The following DPP9 variants were observed in gnomAD, a reference collection of about 807,000 sequenced individuals.
DPP9 encodes dipeptidyl peptidase IV-related protein-2.
In DPP9, 50 loss-of-function variants were observed where a neutral mutation model predicts 110.7. The observed-to-expected ratio is 0.45, with a 90% CI of 0.36 to 0.57. The LOEUF is 0.57. Ranked by LOEUF, DPP9 falls within the 20% of genes least tolerant of loss-of-function variation. DPP9 has a pLI of 0.00. For missense variants in DPP9, 1,022 were observed against 1,217.9 expected, an observed-to-expected ratio of 0.84 and a Z score of 2.39; for synonymous variants, 561 against 514.4, an observed-to-expected ratio of 1.09 and a Z score of -1.23.
chr19:4,685,420 G>T lies in DPP9; in HGVS notation c.2031+206C>A. ...AAGGGGAGGCCATCCAGGAAGGGCGGGGAGCGTGCAAACGGGCACAGAGAA... is the reference window on the plus strand; with the variant it reads ...AAGGGGAGGCCATCCAGGAAGGGCGTGGAGCGTGCAAACGGGCACAGAGAA... On this transcript the variant is annotated intron_variant, in intron 17 of 21. Coordinates refer to ENST00000262960, the MANE Select transcript of DPP9 (RefSeq NM_139159.5). The surrounding 1 kb of genome is among the most constrained non-coding windows in gnomAD (Gnocchi z 5.8). 1 of 679,200 alleles carries T rather than the reference G, an allele frequency of 1.5e-6. No homozygotes were observed. Among genetic ancestry groups the T allele is most frequent in the Non-Finnish European group, 2.7e-6 (1 of 373,548 alleles). 42.1% of individuals were successfully genotyped at this position (679,200 alleles called of 1,614,324 possible). A position where few individuals can be genotyped will look rare whatever the true frequency, so the allele number is the denominator to read the frequency against.
rs200739746 is a variant in DPP9, at chr19:4,697,510, C to A, written c.1175+41G>T. 3.0e-3 allele frequency: 4,724 copies of A among 1,566,048 alleles called. 12 individuals are homozygous for A. The highest frequency in any genetic ancestry group is 3.8e-3 in the Non-Finnish European group (4,354 of 1,142,054). On this transcript the variant is annotated intron_variant, in intron 11 of 21. Transcript: ENST00000262960. ...TCGGTGGCTGCCCAGGGCCCAGGGC[C>A]CTGCAGGTGAATTCCTTGGGTTCCA... is the stretch of plus-strand genomic sequence containing the variant.
At chr19:4,683,135 G>A (rs1008049725) in intron 19 of DPP9, 3 of 1,464,840 alleles carry the variant, frequency 2.0e-6, no homozygotes, top group Admixed American at 2.2e-5. Context: ...GCCCCGCAGT[G>A]CCCTGACTGC....
Position 4,698,018 on chromosome 19 carries a change from G to A in DPP9, c.1075-367C>T, listed in dbSNP as rs1449971303. ...CTTGGTGTTGGACATTATCAATTTCGGCCGTGTAAGCCTCCCAGTCTGTGG... is the reference window on the plus strand; with the variant it reads ...CTTGGTGTTGGACATTATCAATTTCAGCCGTGTAAGCCTCCCAGTCTGTGG... On this transcript the variant is annotated intron_variant, in intron 10 of 21. Transcript: ENST00000262960. The surrounding 1 kb of genome is among the most constrained non-coding windows in gnomAD (Gnocchi z 4.2). Among the ~76,000 whole-genome samples, 2 of 151,970 alleles carry A rather than the reference G, an allele frequency of 1.3e-5. No homozygotes were observed. Among genetic ancestry groups the A allele is most frequent in the African/African-American group, 4.8e-5 (2 of 41,394 alleles).
chr19:4,695,041 C>T lies in DPP9; in HGVS notation c.1354-218G>A. On this transcript the variant is annotated intron_variant, in intron 12 of 21. Transcript: ENST00000262960. This position sits in a 1 kb window ranked among gnomAD's most constrained non-coding sequence, Gnocchi z 4.7. Reference sequence around the variant, plus strand: ...TGGTGCAGGCTTGTGGTCCTAGCTACTCTGGAGGCTGAGGTGGGAGGATCA... The same window carrying T: ...TGGTGCAGGCTTGTGGTCCTAGCTATTCTGGAGGCTGAGGTGGGAGGATCA... 1 of 607,266 alleles carries T rather than the reference C, an allele frequency of 1.6e-6. No individual in the cohort carries two copies. Among genetic ancestry groups the T allele is most frequent in the South Asian group, 2.0e-5 (1 of 48,974 alleles). The allele number at this position is 607,266 out of a possible 1,614,324, so 37.6% of individuals were successfully genotyped here. A position where few individuals can be genotyped will look rare whatever the true frequency, so the allele number is the denominator to read the frequency against.
rs1224977608 is a variant in DPP9, at chr19:4,687,955, C to T, written c.1885+802G>A. On this transcript the variant is annotated intron_variant, in intron 16 of 21. Transcript: ENST00000262960. This position sits in a 1 kb window ranked among gnomAD's most constrained non-coding sequence, Gnocchi z 4.7. The stretch of plus-strand genomic sequence containing the variant: ...GGGACTACAGGCGCCCGCCACCATG[C>T]TCGGCTAATTTTTTGTATTTTTAGT... Among the ~76,000 whole-genome samples the T allele has an allele frequency of 6.6e-6, 1 of 152,128 alleles. No homozygotes were observed. The highest frequency in any genetic ancestry group is 1.5e-5 in the Non-Finnish European group (1 of 68,024).
chr19:4,689,566 C>A lies in DPP9; in HGVS notation c.1749+4G>T. The A allele has an allele frequency of 6.4e-7, 1 of 1,556,628 alleles. No individual in the cohort carries two copies. On this transcript the variant is annotated splice_donor_region_variant and intron_variant, in intron 15 of 21. Coordinates refer to ENST00000262960, the MANE Select transcript of DPP9 (RefSeq NM_139159.5). The surrounding 1 kb of genome is among the most constrained non-coding windows in gnomAD (Gnocchi z 7.0). Reference sequence around the variant, plus strand: ...GGCGGTGCCGTGAGGCTGGGCGGTCCCACCTGGCTCATGGAGCAGCTATGG... The same window carrying A: ...GGCGGTGCCGTGAGGCTGGGCGGTCACACCTGGCTCATGGAGCAGCTATGG...
In DPP9 at chr19:4,722,645, G is replaced by A. The variant is rs192938527; in HGVS notation, c.-88-94C>T. 1.3e-3 allele frequency: 925 copies of A among 690,410 alleles called. 2 individuals are homozygous for A. The highest frequency in any genetic ancestry group is 1.8e-3 in the Non-Finnish European group (694 of 378,030). The allele number at this position is 690,410 out of a possible 1,614,324, so 42.8% of individuals were successfully genotyped here. A position where few individuals can be genotyped will look rare whatever the true frequency, so the allele number is the denominator to read the frequency against. On this transcript the variant is annotated intron_variant, in intron 1 of 21. Coordinates refer to ENST00000262960, the MANE Select transcript of DPP9 (RefSeq NM_139159.5). ...CCACTCAGGAGCTGCAGACTGTCAG[G>A]CCCGATTCTACCTGGCTAGATTCTA...
In DPP9 at chr19:4,702,070, C is replaced by T. The variant is rs201483284; in HGVS notation, c.969G>A (p.Ala323=). 8.2e-5 allele frequency: 132 copies of T among 1,613,970 alleles called. No homozygotes were observed. Among genetic ancestry groups the T allele is most frequent in the East Asian group, 1.6e-4 (7 of 44,892 alleles). ...EVEVIHVPSP[A]LEERKTDSYR... ...ACGAGTCCGTCTTCCTTTCTTCTAGCGCAGGAGAGGGGACGTGAATGACCT... is the reference window on the plus strand; with the variant it reads ...ACGAGTCCGTCTTCCTTTCTTCTAGTGCAGGAGAGGGGACGTGAATGACCT... The change falls in exon 9 of 22, where the codon GCG becomes GCA. Residue 323 remains alanine (A), a synonymous_variant. Coordinates refer to ENST00000262960, the MANE Select transcript of DPP9 (RefSeq NM_139159.5).
chr19:4,684,642 G>A lies in DPP9; in HGVS notation c.2178+21C>T, dbSNP rs1476707039. 1.2e-6 allele frequency: 2 copies of A among 1,612,768 alleles called. No homozygotes were observed. Among genetic ancestry groups the A allele is most frequent in the Admixed American group, 1.7e-5 (1 of 59,896 alleles). Reference sequence around the variant, plus strand: ...CTTCCCGAGACCCAAAGGACCCAGAGCAACAGGGAGGAGTTGTTACCATTT... The same window carrying A: ...CTTCCCGAGACCCAAAGGACCCAGAACAACAGGGAGGAGTTGTTACCATTT... On this transcript the variant is annotated intron_variant, in intron 18 of 21. Transcript: ENST00000262960. The surrounding 1 kb of genome is among the most constrained non-coding windows in gnomAD (Gnocchi z 4.8).
rs771615957 is a variant in DPP9 at position 4,719,902 on chromosome 19, C to T, written c.5G>A (p.Arg2Gln). Residue 2 changes from arginine to glutamine, a missense_variant, in exon 3 of 22, where the codon CGG (arginine) becomes CAG (glutamine). By Grantham distance (43) the Arg-to-Gln change is conservative. This residue lies in a region of DPP9 where 810 missense variants were observed against 920.6 expected (regional missense o/e 0.88). Transcript: ENST00000262960. M[R>Q]KVKKLRLDKE... ...GTCCAGGCGCAGTTTCTTAACCTTC[C>T]GCATTAACCGCTCAGCTGACCTCAG... 5.2e-5 allele frequency: 80 copies of T among 1,551,608 alleles called. No homozygotes were observed. The highest frequency in any genetic ancestry group is 6.1e-5 in the Non-Finnish European group (70 of 1,147,020).
At chr19:4,703,861 C>G in intron 7 of DPP9, 25 bp downstream of exon 7, 5 of 1,582,808 alleles carry the variant, frequency 3.2e-6, no homozygotes, top group Non-Finnish European at 4.3e-6. Context: ...CTATGGTGGC[C>G]GTGCACAGGA....
intron 7 of DPP9, among the ~76,000 whole-genome samples, 196 bp from the exon 8 acceptor site, chr19:4,702,912 A>G (rs1377181768): frequency 8.1e-6 from 1 of 123,800 alleles, no homozygotes; most frequent in Non-Finnish European, 1.6e-5. Context: ...GCTCCACCCC[A>G]CACTGTGGAC....
At chr19:4,723,597 AGGGCCGAGGCG>A (rs917476240) in intron 1 of DPP9, 66 bp downstream of exon 1, 6 of 155,582 alleles carry the variant, frequency 3.9e-5, no homozygotes, top group African/African-American at 9.6e-5. Flanking sequence ...GGGCAGGGTC[AGGGCCGAGGCG>A]GGGCCGGTCA....
rs372588866 is a variant in DPP9 at position 4,679,979 on chromosome 19, G to A, written c.2475-33C>T. 94 of 1,529,154 alleles carry A rather than the reference G, an allele frequency of 6.1e-5. No individual in the cohort carries two copies. The African/African-American group carries it at 1.3e-3, about 20-fold the overall frequency. The allele number at this position is 1,529,154 out of a possible 1,614,324, so 94.7% of individuals were successfully genotyped here. A position where few individuals can be genotyped will look rare whatever the true frequency, so the allele number is the denominator to read the frequency against. ...ACAGATGGGGAAGGGTCTGAGGCCA[G>A]GGATTGTCCGTGGGGTAGGAGGGGA... On this transcript the variant is annotated intron_variant, in intron 20 of 21. Transcript: ENST00000262960.
intron 2 of DPP9, 181 bp downstream of exon 2, chr19:4,722,318 G>GCTA: frequency 1.7e-6 from 1 of 585,844 alleles, no homozygotes; most frequent in Non-Finnish European, 3.0e-6. Flanking sequence ...GAGGGGGACA[G>GCTA]GGGTGGAAAG....
chr19:4,681,245 G>A (rs2089833806), intron 20 of DPP9, among the ~76,000 whole-genome samples: 2 of 152,228 alleles, frequency 1.3e-5, no homozygotes, highest in African/African-American at 4.8e-5. Flanking sequence ...GTGCTGGAAA[G>A]GTTCTGGAAC....
rs1205460453 is a variant in DPP9, at chr19:4,695,095, GA to G, written c.1354-273del. 4 of 590,452 alleles carry G rather than the reference GA, an allele frequency of 6.8e-6. No homozygotes were observed. Among genetic ancestry groups the G allele is most frequent in the South Asian group, 2.1e-5 (1 of 47,512 alleles). 36.6% of individuals were successfully genotyped at this position (590,452 alleles called of 1,614,324 possible). A position where few individuals can be genotyped will look rare whatever the true frequency, so the allele number is the denominator to read the frequency against. ...AGGCCCAGGAGGTCAAGGCTGCAGT[GA>G]GCTATGACCACACCACTGCACTCTA... is the stretch of plus-strand genomic sequence containing the variant. On this transcript the variant is annotated intron_variant, in intron 12 of 21. Coordinates refer to ENST00000262960, the MANE Select transcript of DPP9 (RefSeq NM_139159.5). This position sits in a 1 kb window ranked among gnomAD's most constrained non-coding sequence, Gnocchi z 4.7.
At chr19:4,717,002 G>A (rs927739062) in intron 3 of DPP9, among the ~76,000 whole-genome samples, 2 of 152,184 alleles carry the variant, frequency 1.3e-5, no homozygotes, top group African/African-American at 4.8e-5. Context: ...AAAGGCTCAT[G>A]GGGCGGAAGA....
chr19:4,698,763 A>G lies in DPP9; in HGVS notation c.1075-1112T>C, dbSNP rs2092003923. Reference sequence around the variant, plus strand: ...ACCCTGTCTCAAAAAACAAGAACAAACAAGCAAAGCAAAACCCCAGCCTGG... The same window carrying G: ...ACCCTGTCTCAAAAAACAAGAACAAGCAAGCAAAGCAAAACCCCAGCCTGG... On this transcript the variant is annotated intron_variant, in intron 10 of 21. Transcript: ENST00000262960. This position sits in a 1 kb window ranked among gnomAD's most constrained non-coding sequence, Gnocchi z 4.2. Among the ~76,000 whole-genome samples, 1 of 152,086 alleles carries G rather than the reference A, an allele frequency of 6.6e-6. No individual in the cohort carries two copies. The highest frequency in any genetic ancestry group is 2.4e-5 in the African/African-American group (1 of 41,398).
Sources: gnomAD v4.1 joint callset for allele counts (sites outside exome capture counted in the v4.1 genomes callset) on GRCh38, gnomAD v4.1.1 for gene constraint, gnomAD v4.1.1 regional missense constraint, Gnocchi (gnomAD v3.1) non-coding constraint, MANE v1.5 for transcripts, NCBI Gene and HGNC (gene_info 2026-07-23, HGNC 2026-07-21) for gene names.